The following FITM2 variants were observed in gnomAD, a reference collection of about 807,000 sequenced individuals.
FITM2 encodes fat storage inducing transmembrane protein 2.
Under a neutral mutation model 23.3 loss-of-function variants are expected in FITM2, and 16 were observed. The ratio of observed to expected loss-of-function variants is 0.69; its 90% CI spans 0.47 to 1.05. The LOEUF (loss-of-function observed/expected upper bound fraction) is 1.05, where lower values mean the gene tolerates loss of function less well. FITM2 is among the 50% of genes least tolerant of loss of function. The pLI is 0.00. For missense variants in FITM2, 273 were observed against 327.5 expected, an observed-to-expected ratio of 0.83 and a Z score of 1.29; for synonymous variants, 132 against 142.0, an observed-to-expected ratio of 0.93 and a Z score of 0.50.
intron 1 of FITM2, among the ~76,000 whole-genome samples, chr20:44,310,701 C>T (rs2062702511): frequency 6.6e-6 from 1 of 152,154 alleles, no homozygotes; most frequent in Admixed American, 6.5e-5. Flanking sequence ...ATTCCACACC[C>T]CTACATATAC....
chr20:44,308,844 G>A (rs1196462450), intron 1 of FITM2, among the ~76,000 whole-genome samples: 9 of 151,810 alleles, frequency 5.9e-5, no homozygotes, highest in African/African-American at 2.2e-4. Flanking sequence ...ACCTGGCCTG[G>A]TTCTTTCCTA....
rs1156238170 is a variant in FITM2 at position 44,311,159 on chromosome 20, G to T, written c.-11C>A. 1.9e-6 allele frequency: 3 copies of T among 1,607,714 alleles called. No individual in the cohort carries two copies. The highest frequency in any genetic ancestry group is 2.7e-5 in the African/African-American group (2 of 74,912). ...CTCCAGATGCTCCATGCCGGATCTC[G>T]TCAGCCACCGTCCTCCTCTCCGTGC... is the stretch of plus-strand genomic sequence containing the variant. On this transcript the variant is annotated 5_prime_UTR_variant, in exon 1 of 2. Transcript: ENST00000396825.
rs765281145 is a variant in FITM2 at position 44,306,720 on chromosome 20, C to T, written c.694G>A (p.Gly232Arg). The T allele has an allele frequency of 6.2e-6, 10 of 1,613,992 alleles. No individual in the cohort carries two copies. The highest frequency in any genetic ancestry group is 3.3e-4 in the Middle Eastern group (2 of 6,084). Residue 232 changes from glycine to arginine, a missense_variant, in exon 2 of 2, where the codon GGG (glycine) becomes AGG (arginine). By Grantham distance (125) the Gly-to-Arg change is moderately radical (BLOSUM62 -2). This residue lies in a region of FITM2 where 117 missense variants were observed against 183.3 expected (regional missense o/e 0.64). Transcript: ENST00000396825. ...TTCGGATACCAAAACCCGTATGTCC[C>T]GTACCAGCTCAGCAAACCAAACAAG... ...GTLFGLLSWY[G>R]TYGFWYPKAF...
In FITM2 at chr20:44,305,275, G is replaced by T; in HGVS notation, c.*1350C>A. The T allele has an allele frequency of 6.6e-6, 1 of 152,178 alleles. No individual in the cohort carries two copies. The highest frequency in any genetic ancestry group is 2.1e-4 in the South Asian group (1 of 4,826). 9.4% of individuals were successfully genotyped at this position (152,178 alleles called of 1,614,324 possible). A position where few individuals can be genotyped will look rare whatever the true frequency, so the allele number is the denominator to read the frequency against. On this transcript the variant is annotated 3_prime_UTR_variant, in exon 2 of 2. Transcript: ENST00000396825. ...TCTTATCAAAAACTGTAAAGGATTC[G>T]CTCAAAATAGAACAGAAAAAAAGTA...
Position 44,306,647 on chromosome 20 carries a change from T to A in FITM2, c.767A>T (p.Lys256Met), listed in dbSNP as rs746400724. 1.3e-5 allele frequency: 21 copies of A among 1,613,792 alleles called. No homozygotes were observed. The highest frequency in any genetic ancestry group is 1.8e-5 in the Non-Finnish European group (21 of 1,179,744). The change falls in exon 2 of 2, where the codon AAG becomes ATG. Residue 256 changes from lysine to methionine, a missense_variant. Lys to Met is a moderately conservative substitution (Grantham distance 95). Coordinates refer to ENST00000396825, the MANE Select transcript of FITM2 (RefSeq NM_001080472.4). Reference protein sequence around the residue: ...LPPQSCSLNLKQDSYKK With the variant: ...LPPQSCSLNLMQDSYKK ...CTTTTATTTCTTGTAACTATCTTGC[T>A]TCAAATTCAAACTACAGCTCTGGGG...
intron 1 of FITM2, among the ~76,000 whole-genome samples, chr20:44,308,087 AAAAAC>A (rs1208271528): frequency 6.6e-6 from 1 of 152,218 alleles, no homozygotes; most frequent in Non-Finnish European, 1.5e-5. Context: ...ACTCCATCTC[AAAAAC>A]AAAACAAAAC....
rs1462372387 is a variant in FITM2 at position 44,311,061 on chromosome 20, C to T, written c.88G>A (p.Ala30Thr). ...VRRYLPWALV[A>T]SMLAGSLLKE... ...AGGAGGGAGCCCGCCAGCATGGAGGCCACCAGGGCCCAGGGCAGGTAGCGC... is the reference window on the plus strand; with the variant it reads ...AGGAGGGAGCCCGCCAGCATGGAGGTCACCAGGGCCCAGGGCAGGTAGCGC... Residue 30 changes from alanine (A) to threonine (T), a missense_variant, in exon 1 of 2, where the codon GCC (alanine) becomes ACC (threonine). Physicochemically the swap from Ala to Thr is moderately conservative, Grantham distance 58. Transcript: ENST00000396825. The T allele has an allele frequency of 1.9e-6, 3 of 1,609,728 alleles. No individual in the cohort carries two copies. The South Asian group carries it at 3.3e-5, about 18-fold the overall frequency.
rs2062681231 is a variant in FITM2 at position 44,303,099 on chromosome 20, A to G, written c.*3526T>C. 6.6e-6 allele frequency: 1 copy of G among 152,160 alleles called. No homozygotes were observed. The allele number at this position is 152,160 out of a possible 1,614,324, so 9.4% of individuals were successfully genotyped here. ...ACATAATACAGGACAATTTTAACAAAAGACCCAGACTCCAAATGGCACCCA... is the reference window on the plus strand; with the variant it reads ...ACATAATACAGGACAATTTTAACAAGAGACCCAGACTCCAAATGGCACCCA... On this transcript the variant is annotated 3_prime_UTR_variant, in exon 2 of 2. Transcript: ENST00000396825.
chr20:44,309,721 G>C (rs2062699897), intron 1 of FITM2, among the ~76,000 whole-genome samples: 1 of 152,124 alleles, frequency 6.6e-6, no homozygotes, highest in African/African-American at 2.4e-5. Flanking sequence ...TCAGCACAGA[G>C]GCTTGGAACA....
chr20:44,308,019 G>A (rs1264978044), intron 1 of FITM2, among the ~76,000 whole-genome samples: 4 of 151,986 alleles, frequency 2.6e-5, no homozygotes, highest in Non-Finnish European at 4.4e-5. Context: ...CCCGGGAGGC[G>A]GAGCTTGCAG....
chr20:44,304,799 T>C lies in FITM2; in HGVS notation c.*1826A>G, dbSNP rs994017431. On this transcript the variant is annotated 3_prime_UTR_variant, in exon 2 of 2. Transcript: ENST00000396825. Reference sequence around the variant, plus strand: ...TACCACTGATATGTGGTCAGGGACATTTCGGTGCAAGAACGCATTCTGCAA... The same window carrying C: ...TACCACTGATATGTGGTCAGGGACACTTCGGTGCAAGAACGCATTCTGCAA... 2.6e-5 allele frequency: 4 copies of C among 152,258 alleles called. No individual in the cohort carries two copies. The highest frequency in any genetic ancestry group is 9.6e-5 in the African/African-American group (4 of 41,460). 9.4% of individuals were successfully genotyped at this position (152,258 alleles called of 1,614,324 possible). A position where few individuals can be genotyped will look rare whatever the true frequency, so the allele number is the denominator to read the frequency against.
rs1010198329 is a variant in FITM2 at position 44,305,831 on chromosome 20, G to C, written c.*794C>G. 1 of 151,676 alleles carries C rather than the reference G, an allele frequency of 6.6e-6. No homozygotes were observed. Among genetic ancestry groups the C allele is most frequent in the Admixed American group, 6.6e-5 (1 of 15,230 alleles). 9.4% of individuals were successfully genotyped at this position (151,676 alleles called of 1,614,324 possible). On this transcript the variant is annotated 3_prime_UTR_variant, in exon 2 of 2. Transcript: ENST00000396825. ...GAGCAAAACTCCATCTCAAAAAAAA[G>C]AAAAAAACCCTGCCTGAAATAGATG... is the stretch of plus-strand genomic sequence containing the variant.
In FITM2 at chr20:44,306,590, A is replaced by C; in HGVS notation, c.*35T>G. On this transcript the variant is annotated 3_prime_UTR_variant, in exon 2 of 2. Coordinates refer to ENST00000396825, the MANE Select transcript of FITM2 (RefSeq NM_001080472.4). ...AAAATATATATTTGAAAAATAGATT[A>C]GCCATTGTCCTTCTGTCCCCCCTCT... 1 of 1,592,760 alleles carries C rather than the reference A, an allele frequency of 6.3e-7. No individual in the cohort carries two copies. Among genetic ancestry groups the C allele is most frequent in the Non-Finnish European group, 8.5e-7 (1 of 1,169,762 alleles).
At chr20:44,309,876 C>T (rs1222986033) in intron 1 of FITM2, among the ~76,000 whole-genome samples, 1 of 152,174 alleles carries the variant, frequency 6.6e-6, no homozygotes, top group African/African-American at 2.4e-5. Flanking sequence ...GACCTAAACC[C>T]AGGACAGAGA....
chr20:44,307,096 G>C lies in FITM2; in HGVS notation c.318C>G (p.Ile106Met), dbSNP rs1329832204. Residue 106 changes from isoleucine to methionine, a missense_variant, in exon 2 of 2, where the codon ATC becomes ATG. Physicochemically the swap from Ile to Met is conservative, Grantham distance 10 (BLOSUM62 1). Transcript: ENST00000396825. ...CGATGTTGGAGAAGATGGAGGTGCAGATGTACCAGATGGCCGTGCCCACAA... is the reference window on the plus strand; with the variant it reads ...CGATGTTGGAGAAGATGGAGGTGCACATGTACCAGATGGCCGTGCCCACAA... ...TLLVGTAIWYICTSIFSNIEH... is the reference protein window; with the variant it reads ...TLLVGTAIWYMCTSIFSNIEH... 2 of 1,614,110 alleles carry C rather than the reference G, an allele frequency of 1.2e-6. No homozygotes were observed. The highest frequency in any genetic ancestry group is 1.7e-6 in the Non-Finnish European group (2 of 1,180,044).
Position 44,310,991 on chromosome 20 carries a change from C to T in FITM2, c.158G>A (p.Arg53His), listed in dbSNP as rs985479020. The change falls in exon 1 of 2, where the codon CGC becomes CAC. Residue 53 changes from arginine (R) to histidine (H), a missense_variant. Around this residue, in one of 3 missense-constraint regions of FITM2, gnomAD observed 123 missense variants for 117.9 expected, o/e 1.04. Transcript: ENST00000396825. The part of the protein sequence containing the change: ...PLPESYLSNK[R>H]NVLNVYFVKV... ...GTGCACTCACACGTTGAGGACGTTG[C>T]GCTTGTTGCTGAGGTAGCTCTCGGG... The T allele has an allele frequency of 8.4e-6, 13 of 1,555,744 alleles. No individual in the cohort carries two copies. Among genetic ancestry groups the T allele is most frequent in the Non-Finnish European group, 1.0e-5 (12 of 1,150,304 alleles).
Position 44,310,984 on chromosome 20 carries a change from G to A in FITM2, c.165C>T (p.Val55=), listed in dbSNP as rs1397264741. Residue 55 remains valine (V), a synonymous_variant, in exon 1 of 2, where the codon GTC becomes GTT. Transcript: ENST00000396825. ...GACCGGGGTGCACTCACACGTTGAGGACGTTGCGCTTGTTGCTGAGGTAGC... is the reference window on the plus strand; with the variant it reads ...GACCGGGGTGCACTCACACGTTGAGAACGTTGCGCTTGTTGCTGAGGTAGC... ...PESYLSNKRN[V]LNVYFVKVAW... The A allele has an allele frequency of 1.3e-6, 2 of 1,553,160 alleles. No individual in the cohort carries two copies. The highest frequency in any genetic ancestry group is 3.9e-5 in the Admixed American group (2 of 51,196).
Position 44,306,819 on chromosome 20 carries a change from T to A in FITM2, c.595A>T (p.Thr199Ser), listed in dbSNP as rs760420931. The A allele has an allele frequency of 1.2e-6, 2 of 1,613,948 alleles. No individual in the cohort carries two copies. The highest frequency in any genetic ancestry group is 8.5e-7 in the Non-Finnish European group (1 of 1,179,992). ...TTLVVALGIL[T>S]FIWVLMFLCT... ...AGAAACATCAACACCCAGATGAAAG[T>A]CAGAATGCCCAGGGCCACAACCAGG... Residue 199 changes from threonine (T) to serine (S), a missense_variant, in exon 2 of 2, where the codon ACT becomes TCT. Thr to Ser is a moderately conservative substitution (Grantham distance 58). Transcript: ENST00000396825.
chr20:44,309,580 TCTTA>T (rs2062699687), intron 1 of FITM2, among the ~76,000 whole-genome samples: 1 of 152,218 alleles, frequency 6.6e-6, no homozygotes, highest in African/African-American at 2.4e-5. Context: ...AAATCTTCAC[TCTTA>T]CTTAACTTAC....
Sources: allele counts gnomAD v4.1 joint callset (sites outside exome capture counted in the v4.1 genomes callset), GRCh38; gene constraint gnomAD v4.1.1; regional missense constraint gnomAD v4.1.1; transcripts MANE v1.5; gene names NCBI Gene and HGNC (gene_info 2026-07-23, HGNC 2026-07-21).